GPM6B: variants seen among roughly 807,000 people sequenced by gnomAD.
GPM6B encodes the protein neuronal membrane glycoprotein M6-b.
Under a neutral mutation model 27.2 loss-of-function variants are expected in GPM6B, and 4 were observed. The observed-to-expected ratio is 0.15, with a 90% CI of 0.07 to 0.34. The LOEUF (loss-of-function observed/expected upper bound fraction) is 0.34. Ranked by LOEUF, GPM6B falls within the 10% of genes least tolerant of loss-of-function variation. The pLI, the probability that GPM6B is intolerant of heterozygous loss-of-function variation, is 1.00. For missense variants in GPM6B, 183 were observed against 261.9 expected (o/e 0.70, Z 2.08); for synonymous variants, 124 against 103.1 (o/e 1.20, Z -1.23).
chrX:13,787,041 C>CAAAAA lies in GPM6B; in HGVS notation c.182-1238_182-1234dup, dbSNP rs869123073. On this transcript the variant is annotated intron_variant, in intron 2 of 7. Transcript: ENST00000316715. ...CTTTAGGGCAAGCACATTAAGCCAG[C>CAAAAA]AAAAAAAAAAAAAAAAAAAAAAAAA... 5.3e-4 allele frequency among the ~76,000 whole-genome samples: 13 copies of CAAAAA among 24,511 alleles called. 1 individual carries two copies. Among genetic ancestry groups the CAAAAA allele is most frequent in the African/African-American group, 2.0e-3 (10 of 4,883 alleles). The allele number at this position is 24,511 out of a possible 115,157, so 21.3% of individuals were successfully genotyped here. A position where few individuals can be genotyped will look rare whatever the true frequency, so the allele number is the denominator to read the frequency against.
At chrX:13,775,476 GATTTTGCTGCTTAA>G (rs1443594284) in intron 7 of GPM6B, among the ~76,000 whole-genome samples, 1 of 112,290 alleles carries the variant, frequency 8.9e-6, no homozygotes, top group African/African-American at 3.2e-5. Flanking sequence ...TTTTGTGGGT[GATTTTGCTGCTTAA>G]AATGGCTCCC....
chrX:13,811,823 T>G (rs2049135572), intron 1 of GPM6B, among the ~76,000 whole-genome samples: 1 of 111,527 alleles, frequency 9.0e-6, no homozygotes, highest in Non-Finnish European at 1.9e-5. Flanking sequence ...TCTTATACAC[T>G]CTTTGACGAG....
At chrX:13,937,038 G>A (rs1358864425) in intron 1 of GPM6B, among the ~76,000 whole-genome samples, 1 of 112,270 alleles carries the variant, frequency 8.9e-6, no homozygotes, top group Non-Finnish European at 1.9e-5. Flanking sequence ...AGGCTGAGTA[G>A]CAGTCATCCT....
At chrX:13,773,206 C>T (rs1380598841) in intron 7 of GPM6B, 176 bp from the exon 8 acceptor site, 5 of 339,179 alleles carry the variant, frequency 1.5e-5, no homozygotes, top group African/African-American at 1.1e-4. Context: ...TAGTTGGCTT[C>T]GCATTAAAAG....
chrX:13,857,156 G>A (rs2049790990), intron 1 of GPM6B, among the ~76,000 whole-genome samples: 1 of 111,231 alleles, frequency 9.0e-6, no homozygotes, highest in South Asian at 3.9e-4. Context: ...AGATAATCCA[G>A]AGTAATCTCC....
intron 2 of GPM6B, among the ~76,000 whole-genome samples, chrX:13,794,021 G>C (rs763535943): frequency 2.6e-4 from 29 of 111,964 alleles, no homozygotes; most frequent in African/African-American, 9.1e-4. Context: ...TATAAATAAA[G>C]TTGTATTGGC....
At chrX:13,804,442 C>A (rs1603024370) in intron 2 of GPM6B, among the ~76,000 whole-genome samples, 1 of 107,645 alleles carries the variant, frequency 9.3e-6, no homozygotes, top group African/African-American at 3.4e-5. Context: ...GCGGGGGTAG[C>A]CCATGTGGTC....
intron 1 of GPM6B, among the ~76,000 whole-genome samples, chrX:13,916,693 G>A (rs2050433154): frequency 9.1e-6 from 1 of 109,333 alleles, no homozygotes; most frequent in Non-Finnish European, 1.9e-5. Flanking sequence ...GTGTGTGTGT[G>A]TGTGTGTGTG....
chrX:13,785,284 C>CTT (rs199593521), intron 3 of GPM6B, among the ~76,000 whole-genome samples: 1 of 110,206 alleles, frequency 9.1e-6, no homozygotes, highest in Non-Finnish European at 1.9e-5. Context: ...ATCTCAGATA[C>CTT]TTTTTTTTTA....
At chrX:13,927,977 C>T (rs1346055512) in intron 1 of GPM6B, among the ~76,000 whole-genome samples, 6 of 111,814 alleles carry the variant, frequency 5.4e-5, no homozygotes, top group Admixed American at 1.9e-4. Context: ...CTTCCTAGTA[C>T]GGTTCTACAC....
chrX:13,842,001 C>T (rs780355969), intron 1 of GPM6B, among the ~76,000 whole-genome samples: 12 of 112,152 alleles, frequency 1.1e-4, no homozygotes, highest in African/African-American at 2.3e-4. Flanking sequence ...CTCAATGAAT[C>T]GATTCTCACC....
chrX:13,866,135 T>A (rs762554853), intron 1 of GPM6B, among the ~76,000 whole-genome samples: 14 of 111,655 alleles, frequency 1.3e-4, no homozygotes, highest in South Asian at 7.5e-4. Context: ...AGGCTGAGGC[T>A]GGCGGATCAC....
chrX:13,935,427 G>T (rs1921790533), intron 1 of GPM6B, among the ~76,000 whole-genome samples: 1 of 109,959 alleles, frequency 9.1e-6, no homozygotes, highest in South Asian at 3.9e-4. Flanking sequence ...GAGGTGGGAC[G>T]ACTGCTTCAG....
At chrX:13,919,970 A>G (rs1273142138) in intron 1 of GPM6B, among the ~76,000 whole-genome samples, 1 of 47,133 alleles carries the variant, frequency 2.1e-5, no homozygotes, top group East Asian at 3.6e-4. Context: ...GCAAAGTTTC[A>G]GAAGAAAAAG....
Position 13,816,878 on chromosome X carries a change from G to A in GPM6B, c.27C>T (p.Ala9=), listed in dbSNP as rs1373858001. 5 of 1,205,439 alleles carry A rather than the reference G, an allele frequency of 4.1e-6. No homozygotes were observed. The highest frequency in any genetic ancestry group is 1.8e-5 in the African/African-American group (1 of 56,562). The change falls in exon 1 of 8, where the codon GCC becomes GCT. Residue 9 remains alanine (A), a synonymous_variant. Transcript: ENST00000316715. The part of the protein sequence containing the change: MKPAMETA[A]EENTEQSQER... Reference sequence around the variant, plus strand: ...CTTGGCTTTGTTCAGTATTTTCCTCGGCTGCAGTTTCCATGGCTGGCTTCA... The same window carrying A: ...CTTGGCTTTGTTCAGTATTTTCCTCAGCTGCAGTTTCCATGGCTGGCTTCA...
Position 13,785,607 on chromosome X carries a change from G to A in GPM6B, c.368+15C>T, listed in dbSNP as rs1302953730. On this transcript the variant is annotated intron_variant, in intron 3 of 7. Coordinates refer to ENST00000316715, the MANE Select transcript of GPM6B (RefSeq NM_001001995.3). Reference sequence around the variant, plus strand: ...CAGGCCTTAGATGCATTTTTAAAGGGAACCGGATACTTACACCTCGCTCAG... The same window carrying A: ...CAGGCCTTAGATGCATTTTTAAAGGAAACCGGATACTTACACCTCGCTCAG... 18 of 1,205,837 alleles carry A rather than the reference G, an allele frequency of 1.5e-5. No homozygotes were observed. The highest frequency in any genetic ancestry group is 1.9e-5 in the Non-Finnish European group (17 of 890,506).
At chrX:13,808,629 A>T (rs995569314) in intron 1 of GPM6B, among the ~76,000 whole-genome samples, 4 of 111,589 alleles carry the variant, frequency 3.6e-5, no homozygotes, top group Non-Finnish European at 7.5e-5. Flanking sequence ...CATAAAACCT[A>T]ATAAGGGGTT....
intron 1 of GPM6B, among the ~76,000 whole-genome samples, chrX:13,935,655 A>G (rs1026618653): frequency 8.0e-5 from 9 of 112,855 alleles, no homozygotes; most frequent in Non-Finnish European, 1.7e-4. Flanking sequence ...GAATTCACTT[A>G]ATTGCTATGC....
chrX:13,780,275 G>GAT (rs899043491), intron 4 of GPM6B, among the ~76,000 whole-genome samples: 1 of 111,625 alleles, frequency 9.0e-6, no homozygotes, highest in African/African-American at 3.3e-5. Flanking sequence ...CCCAAGAGGT[G>GAT]ATCTCACTCA....
Sources: gnomAD v4.1 joint callset for allele counts (sites outside exome capture counted in the v4.1 genomes callset) on GRCh38, gnomAD v4.1.1 for gene constraint, MANE v1.5 for transcripts, NCBI Gene and HGNC (gene_info 2026-07-23, HGNC 2026-07-21) for gene names.